The following ACBD6 variants were observed in gnomAD, a reference collection of about 807,000 sequenced individuals.
ACBD6 encodes acyl-CoA-binding domain-containing protein 6.
ACBD6 carries 28 observed loss-of-function variants against 37.2 expected under a neutral mutation model. That is an observed-to-expected ratio of 0.75 (90% CI 0.56 to 1.03). ACBD6 has a LOEUF of 1.03. ACBD6 is among the 50% of genes least tolerant of loss of function. The probability of loss-of-function intolerance (pLI) is 0.00; values close to 1 mark genes in which losing one functional copy is unlikely to be tolerated. For missense variants in ACBD6, 340 were observed against 337.4 expected (o/e 1.01, Z -0.06); for synonymous variants, 113 against 126.8 (o/e 0.89, Z 0.73).
At chr1:180,337,749 A>G (rs1651800366) in intron 6 of ACBD6, among the ~76,000 whole-genome samples, 1 of 152,220 alleles carries the variant, frequency 6.6e-6, no homozygotes, top group Non-Finnish European at 1.5e-5. Context: ...GTATATCTAG[A>G]AAACCCCATC....
At chr1:180,287,566 T>C (rs1157849141), downstream of ACBD6, among the ~76,000 whole-genome samples, 1 of 146,186 alleles carries the variant, frequency 6.8e-6, no homozygotes, top group Admixed American at 7.0e-5. Flanking sequence ...GACCTAACAG[T>C]TCAGATCTAA....
At chr1:180,461,760 A>G (rs186915300) in intron 3 of ACBD6, among the ~76,000 whole-genome samples, 1 of 152,190 alleles carries the variant, frequency 6.6e-6, no homozygotes, top group Non-Finnish European at 1.5e-5. Flanking sequence ...AGGTCCTTGC[A>G]GGAGCTCCTG....
rs375249658 is a variant in ACBD6 at position 180,465,140 on chromosome 1, A to G, written c.384+27129T>C. Among the ~76,000 whole-genome samples, 72 of 152,358 alleles carry G rather than the reference A, an allele frequency of 4.7e-4. 9 individuals carry two copies. Among genetic ancestry groups the G allele is most frequent in the East Asian group, 4.4e-3 (23 of 5,194 alleles). ...GCAAAGATTTCATGACAAAGAAACC[A>G]AAAGCGATTGCAACGAAAGCAAAAC... On this transcript the variant is annotated intron_variant, in intron 3 of 7. Coordinates refer to ENST00000367595, the MANE Select transcript of ACBD6 (RefSeq NM_032360.4).
At chr1:180,484,983 T>C (rs183623162) in intron 3 of ACBD6, among the ~76,000 whole-genome samples, 5 of 134,920 alleles carry the variant, frequency 3.7e-5, no homozygotes, top group Admixed American at 7.4e-5. Flanking sequence ...AGGCAGAGAA[T>C]TGCTTGAACC....
At chr1:180,443,435 A>ACC (rs1649359288) in intron 3 of ACBD6, among the ~76,000 whole-genome samples, 1 of 151,900 alleles carries the variant, frequency 6.6e-6, no homozygotes, top group East Asian at 1.9e-4. Context: ...AGCCAAAGGG[A>ACC]CCCCTCTGCA....
At chr1:180,318,549 TTTTG>T (rs1168012434) in intron 6 of ACBD6, among the ~76,000 whole-genome samples, 1 of 152,208 alleles carries the variant, frequency 6.6e-6, no homozygotes, top group Non-Finnish European at 1.5e-5. Flanking sequence ...ATAATTTTGC[TTTTG>T]TTTCTGTCAA....
intron 7 of ACBD6, among the ~76,000 whole-genome samples, chr1:180,311,314 G>A (rs1650582620): frequency 6.6e-6 from 1 of 152,192 alleles, no homozygotes; most frequent in Non-Finnish European, 1.5e-5. Context: ...GGATAAGAAA[G>A]TCTTTCGTCT....
chr1:180,289,433 T>C (rs1325885689), intron 7 of ACBD6, among the ~76,000 whole-genome samples: 4 of 152,072 alleles, frequency 2.6e-5, no homozygotes, highest in Non-Finnish European at 4.4e-5. Flanking sequence ...TTGGTGAAAA[T>C]TAACTTTGAC....
intron 7 of ACBD6, among the ~76,000 whole-genome samples, chr1:180,296,817 C>T (rs941304978): frequency 3.3e-5 from 5 of 152,034 alleles, no homozygotes; most frequent in Non-Finnish European, 5.9e-5. Context: ...GAAAACAATG[C>T]CTGTCTTCAA....
intron 6 of ACBD6, among the ~76,000 whole-genome samples, chr1:180,372,041 A>G (rs889411182): frequency 7.9e-5 from 12 of 152,192 alleles, no homozygotes; most frequent in African/African-American, 2.7e-4. Context: ...ACAGAATACC[A>G]AAGTGTTATA....
intron 3 of ACBD6, among the ~76,000 whole-genome samples, chr1:180,477,978 T>TAAA (rs58326495): frequency 6.9e-6 from 1 of 145,126 alleles, no homozygotes; most frequent in East Asian, 2.0e-4. Flanking sequence ...TCCATCTCTT[T>TAAA]AAAAAAAAAA....
At chr1:180,452,823 A>G (rs1649766189) in intron 3 of ACBD6, among the ~76,000 whole-genome samples, 1 of 152,242 alleles carries the variant, frequency 6.6e-6, no homozygotes, top group South Asian at 2.1e-4. Context: ...GAAGAAATGG[A>G]TAAATTCCTG....
chr1:180,284,185 G>A (rs1325411073), downstream of ACBD6, among the ~76,000 whole-genome samples: 3 of 152,088 alleles, frequency 2.0e-5, no homozygotes, highest in Non-Finnish European at 2.9e-5. Context: ...TGGCTGACAA[G>A]CATAAGAAGG....
At chr1:180,465,310 G>T (rs904353717) in intron 3 of ACBD6, among the ~76,000 whole-genome samples, 12 of 151,918 alleles carry the variant, frequency 7.9e-5, no homozygotes, top group African/African-American at 2.9e-4. Flanking sequence ...AACTTAAACA[G>T]ATCAACAAGC....
At chr1:180,409,066 G>C (rs1191375319) in intron 5 of ACBD6, among the ~76,000 whole-genome samples, 1 of 152,080 alleles carries the variant, frequency 6.6e-6, no homozygotes, top group African/African-American at 2.4e-5. Flanking sequence ...TGAGGTGGGA[G>C]GATCGCTTGA....
At chr1:180,486,871 T>C (rs1651286232) in intron 3 of ACBD6, among the ~76,000 whole-genome samples, 1 of 152,200 alleles carries the variant, frequency 6.6e-6, no homozygotes. Flanking sequence ...CCTGGTCTGA[T>C]GCATTGAGGA....
chr1:180,441,732 A>G (rs937911199), intron 3 of ACBD6, among the ~76,000 whole-genome samples: 1 of 152,160 alleles, frequency 6.6e-6, no homozygotes, highest in Admixed American at 6.5e-5. Context: ...TTATGATCTT[A>G]TATCTTGTAA....
intron 5 of ACBD6, among the ~76,000 whole-genome samples, chr1:180,409,142 T>TAA (rs139466026): frequency 2.6e-5 from 4 of 151,678 alleles, no homozygotes; most frequent in African/African-American, 9.7e-5. Context: ...AGAATCTGTC[T>TAA]AAAAAAAAGA....
intron 3 of ACBD6, among the ~76,000 whole-genome samples, chr1:180,445,836 A>T (rs954660477): frequency 6.6e-6 from 1 of 152,242 alleles, no homozygotes; most frequent in Non-Finnish European, 1.5e-5. Flanking sequence ...AAAGAGGTGA[A>T]GTATCCAATG....
Sources: allele counts gnomAD v4.1 joint callset (sites outside exome capture counted in the v4.1 genomes callset), GRCh38; gene constraint gnomAD v4.1.1; transcripts MANE v1.5; gene names NCBI Gene and HGNC (gene_info 2026-07-23, HGNC 2026-07-21).